The following FHOD3 variants were observed in gnomAD, a reference collection of about 807,000 sequenced individuals.
The protein encoded by FHOD3 is FH1/FH2 domain-containing protein 3.
Under a neutral mutation model 173.0 loss-of-function variants are expected in FHOD3, and 90 were observed. That is an observed-to-expected ratio of 0.52 (90% CI 0.44 to 0.62). The LOEUF (loss-of-function observed/expected upper bound fraction) is 0.62, where lower values mean the gene tolerates loss of function less well. Among genes scored for constraint, FHOD3 ranks in the 20% least tolerant of loss-of-function variants. The pLI is 0.00. For missense variants in FHOD3, 1,945 were observed against 2,034.7 expected, an observed-to-expected ratio of 0.96 and a Z score of 0.85; for synonymous variants, 828 against 823.0, an observed-to-expected ratio of 1.01 and a Z score of -0.10.
At chr18:36,773,257 TC>T (rs1018242215) in intron 28 of FHOD3, among the ~76,000 whole-genome samples, 4 of 151,504 alleles carry the variant, frequency 2.6e-5, no homozygotes, top group Non-Finnish European at 4.4e-5. Context: ...TGTCTGTAAG[TC>T]CCCCCCACAG....
At chr18:36,716,002 G>A (rs1043615959) in intron 18 of FHOD3, among the ~76,000 whole-genome samples, 3 of 152,224 alleles carry the variant, frequency 2.0e-5, no homozygotes, top group Admixed American at 6.5e-5. Context: ...GGGGGTCAGG[G>A]AGTGTTGGTG....
chr18:36,643,010 G>A, intron 10 of FHOD3, among the ~76,000 whole-genome samples: 1 of 151,198 alleles, frequency 6.6e-6, no homozygotes, highest in Middle Eastern at 3.2e-3. Context: ...TAAAATGTAT[G>A]TTCTTCTTGG....
chr18:36,733,706 G>A (rs369948349), intron 20 of FHOD3, among the ~76,000 whole-genome samples: 6 of 152,316 alleles, frequency 3.9e-5, no homozygotes, highest in East Asian at 1.9e-4. Context: ...CAGCTATGAC[G>A]CTGACGGATA....
intron 3 of FHOD3, among the ~76,000 whole-genome samples, chr18:36,474,978 T>TACACAC (rs1254596605): frequency 4.2e-5 from 4 of 95,092 alleles, no homozygotes; most frequent in South Asian, 3.9e-4. Context: ...AGGTTGAAAA[T>TACACAC]ACACACATAC....
chr18:36,422,697 G>T (rs2147104819), intron 3 of FHOD3, among the ~76,000 whole-genome samples: 1 of 152,298 alleles, frequency 6.6e-6, no homozygotes, highest in East Asian at 1.9e-4. Context: ...CCCAGCAGTA[G>T]CCCTGGCTGA....
intron 8 of FHOD3, among the ~76,000 whole-genome samples, chr18:36,611,571 C>T (rs920120954): frequency 2.0e-5 from 3 of 152,190 alleles, no homozygotes; most frequent in Non-Finnish European, 4.4e-5. Context: ...AAAGGGCCTA[C>T]CTGATTATCA....
chr18:36,731,577 C>G (rs2041360971), intron 20 of FHOD3, among the ~76,000 whole-genome samples: 2 of 152,224 alleles, frequency 1.3e-5, no homozygotes, highest in Non-Finnish European at 2.9e-5. Flanking sequence ...TGGGTGGCAC[C>G]TAACCCATCC....
chr18:36,330,453 A>G (rs2044929615), intron 1 of FHOD3, among the ~76,000 whole-genome samples: 1 of 152,182 alleles, frequency 6.6e-6, no homozygotes, highest in East Asian at 1.9e-4. Context: ...GTTACAGGAG[A>G]GACTTGCCTT....
At chr18:36,345,792 A>G (rs10164207) in intron 1 of FHOD3, among the ~76,000 whole-genome samples, 45,896 of 152,144 alleles carry the variant, frequency 0.3, 7,444 homozygotes, top group African/African-American at 0.41. Flanking sequence ...AAACAAACTT[A>G]CAGAGGAAAA....
chr18:36,357,632 A>G (rs983713207), intron 2 of FHOD3, among the ~76,000 whole-genome samples: 1 of 152,216 alleles, frequency 6.6e-6, no homozygotes, highest in African/African-American at 2.4e-5. Context: ...TTTAAAATTA[A>G]CACTATTAGG....
chr18:36,450,916 T>A (rs1162451540), intron 3 of FHOD3, among the ~76,000 whole-genome samples: 1 of 152,236 alleles, frequency 6.6e-6, no homozygotes, highest in Non-Finnish European at 1.5e-5. Context: ...AGCAACTGCT[T>A]ACTGAGCAGT....
chr18:36,698,016 C>T (rs1197073684), intron 17 of FHOD3, among the ~76,000 whole-genome samples: 1 of 152,156 alleles, frequency 6.6e-6, no homozygotes, highest in Admixed American at 6.5e-5. Context: ...GGCACGGTAG[C>T]AATGGAATAT....
chr18:36,459,428 C>T (rs763223874), intron 3 of FHOD3, among the ~76,000 whole-genome samples: 1 of 152,162 alleles, frequency 6.6e-6, no homozygotes, highest in Non-Finnish European at 1.5e-5. Flanking sequence ...CTGGGCGAAC[C>T]GCCTCGCTGG....
intron 3 of FHOD3, among the ~76,000 whole-genome samples, chr18:36,461,446 T>C (rs1232445029): frequency 2.0e-5 from 3 of 147,492 alleles, no homozygotes; most frequent in Admixed American, 6.7e-5. Flanking sequence ...AGTCTGTTTT[T>C]TTTTGTGTGT....
chr18:36,683,469 C>A (rs565666054), intron 15 of FHOD3, among the ~76,000 whole-genome samples: 1 of 152,274 alleles, frequency 6.6e-6, no homozygotes, highest in African/African-American at 2.4e-5. Flanking sequence ...TCTGAAAACT[C>A]TGAAATATAA....
At chr18:36,307,371 G>T (rs1010324811) in intron 1 of FHOD3, among the ~76,000 whole-genome samples, 1 of 152,162 alleles carries the variant, frequency 6.6e-6, no homozygotes, top group Admixed American at 6.5e-5. Flanking sequence ...AATTGGTTGT[G>T]CCCAAGAGGA....
intron 3 of FHOD3, among the ~76,000 whole-genome samples, chr18:36,421,603 A>C (rs2049989402): frequency 6.6e-6 from 1 of 152,246 alleles, no homozygotes; most frequent in Admixed American, 6.5e-5. Context: ...GGTGACATAT[A>C]CTGTTGAAAA....
intron 3 of FHOD3, among the ~76,000 whole-genome samples, chr18:36,413,259 A>G (rs1388442143): frequency 6.6e-6 from 1 of 152,310 alleles, no homozygotes; most frequent in East Asian, 1.9e-4. Flanking sequence ...TCAGGGGAAC[A>G]AGCTCATTTT....
In FHOD3 at chr18:36,298,564, C is replaced by T. The variant is rs570870017; in HGVS notation, c.165+564C>T. On this transcript the variant is annotated intron_variant, in intron 1 of 28. Transcript: ENST00000590592. ...CGGGGGCGCCGCCGGGGACGCCGGC[C>T]GCACACTGCGATAGCGCTCAGGGTA... 5.3e-5 allele frequency among the ~76,000 whole-genome samples: 8 copies of T among 152,294 alleles called. No homozygotes were observed. In the South Asian group the frequency reaches 1.4e-3, roughly 28 times the overall value.
Sources: gnomAD v4.1 joint callset for allele counts (sites outside exome capture counted in the v4.1 genomes callset) on GRCh38, gnomAD v4.1.1 for gene constraint, MANE v1.5 for transcripts, NCBI Gene and HGNC (gene_info 2026-07-23, HGNC 2026-07-21) for gene names.